The following ANKRD11 variants were observed in gnomAD, a reference collection of about 807,000 sequenced individuals.
ANKRD11 encodes the protein ankyrin repeat domain 11.
In ANKRD11, 17 loss-of-function variants were observed where a neutral mutation model predicts 195.7. The observed-to-expected ratio is 0.09, with a 90% CI of 0.06 to 0.13. The LOEUF (loss-of-function observed/expected upper bound fraction) is 0.13. Ranked by LOEUF, ANKRD11 falls within the 10% of genes least tolerant of loss-of-function variation. The pLI, the probability that ANKRD11 is intolerant of heterozygous loss-of-function variation, is 1.00. For synonymous variants in ANKRD11, 1,953 were observed against 1,528.1 expected (o/e 1.28, Z -6.49); for missense variants, 3,735 against 3,566.1 (o/e 1.05, Z -1.21).
intron 11 of ANKRD11, among the ~76,000 whole-genome samples, chr16:89,273,423 T>C (rs1184000075): frequency 6.6e-6 from 1 of 152,160 alleles, no homozygotes; most frequent in Admixed American, 6.5e-5. Flanking sequence ...ATCTGTCGGC[T>C]GGGTGCGGTG....
chr16:89,297,625 A>G (rs569867646), intron 4 of ANKRD11: 4 of 152,236 alleles, frequency 2.6e-5, no homozygotes, highest in South Asian at 2.1e-4. Flanking sequence ...CACAACTCCA[A>G]ACGAGGGCGC....
At chr16:89,326,469 G>C (rs745447840) in intron 2 of ANKRD11, among the ~76,000 whole-genome samples, 1 of 152,214 alleles carries the variant, frequency 6.6e-6, no homozygotes, top group Non-Finnish European at 1.5e-5. Context: ...ATAGGGCCAG[G>C]CACGGTGGCT....
chr16:89,467,119 C>A (rs2056912607), intron 1 of ANKRD11, among the ~76,000 whole-genome samples: 1 of 152,166 alleles, frequency 6.6e-6, no homozygotes, highest in African/African-American at 2.4e-5. Context: ...CTTTTATTGA[C>A]CAAAGTTGCC....
At chr16:89,416,622 T>C (rs1282864026) in intron 2 of ANKRD11, among the ~76,000 whole-genome samples, 1 of 151,880 alleles carries the variant, frequency 6.6e-6, no homozygotes, top group Non-Finnish European at 1.5e-5. Flanking sequence ...AATAATTTTA[T>C]TTTTCACACT....
In ANKRD11 at chr16:89,284,223, G is replaced by A. The variant is rs1344043663; in HGVS notation, c.2319C>T (p.Pro773=). The change falls in exon 9 of 13, where the codon CCC becomes CCT. Residue 773 remains proline, a synonymous_variant. Coordinates refer to ENST00000301030, the MANE Select transcript of ANKRD11 (RefSeq NM_013275.6). ...EERKKKSKDR[P]SKLEKKNDLK... is the part of the protein sequence containing the mutation. The stretch of plus-strand genomic sequence containing the variant: ...AATCATTCTTCTTCTCTAATTTTGA[G>A]GGCCGGTCTTTTGATTTCTTCTTTC... The A allele has an allele frequency of 9.9e-6, 16 of 1,612,400 alleles. No individual in the cohort carries two copies. The highest frequency in any genetic ancestry group is 1.3e-5 in the African/African-American group (1 of 74,704).
In ANKRD11 at chr16:89,316,914, T is replaced by C; in HGVS notation, c.87+19A>G. 6.2e-7 allele frequency: 1 copy of C among 1,611,440 alleles called. No individual in the cohort carries two copies. The highest frequency in any genetic ancestry group is 8.5e-7 in the Non-Finnish European group (1 of 1,178,974). On this transcript the variant is annotated intron_variant, in intron 3 of 12. Transcript: ENST00000301030. ...TCTGGGTGCGGTGAGCATGCAGGGC[T>C]GGGAGGGGGCAGCATTACCTTTTTC...
intron 3 of ANKRD11, among the ~76,000 whole-genome samples, chr16:89,310,800 C>T (rs568493887): frequency 6.6e-5 from 10 of 152,338 alleles, no homozygotes; most frequent in East Asian, 1.9e-4. Context: ...CACCATGCTA[C>T]GCTCACTGAT....
intron 2 of ANKRD11, among the ~76,000 whole-genome samples, chr16:89,356,547 G>A (rs563015460): frequency 4.0e-5 from 6 of 151,458 alleles, no homozygotes; most frequent in East Asian, 1.9e-4. Context: ...CGAGGCGGGC[G>A]GATCACGAGG....
intron 1 of ANKRD11, among the ~76,000 whole-genome samples, chr16:89,444,389 C>T (rs1181092293): frequency 2.0e-5 from 3 of 151,826 alleles, no homozygotes; most frequent in African/African-American, 7.3e-5. Context: ...CTGGGAAGAG[C>T]AGGTGCGTAC....
intron 3 of ANKRD11, among the ~76,000 whole-genome samples, chr16:89,307,955 G>A (rs1216953025): frequency 6.6e-6 from 1 of 151,756 alleles, no homozygotes; most frequent in African/African-American, 2.4e-5. Context: ...ATGTGAAGAG[G>A]CCACCATCAC....
At chr16:89,353,344 A>G (rs1374660457) in intron 2 of ANKRD11, among the ~76,000 whole-genome samples, 1 of 150,940 alleles carries the variant, frequency 6.6e-6, no homozygotes, top group African/African-American at 2.5e-5. Context: ...TCCAACTCCA[A>G]AAAAAAAGAG....
At chr16:89,406,482 C>T (rs930380654) in intron 2 of ANKRD11, among the ~76,000 whole-genome samples, 11 of 152,160 alleles carry the variant, frequency 7.2e-5, no homozygotes, top group Admixed American at 2.6e-4. Flanking sequence ...CACCGTGCAC[C>T]GTGACAAGAC....
chr16:89,286,458 T>C (rs549908953), intron 7 of ANKRD11: 9 of 578,400 alleles, frequency 1.6e-5, no homozygotes, highest in African/African-American at 1.5e-4. Flanking sequence ...TCTGCCTCCT[T>C]TGGATTTTTT....
chr16:89,324,360 G>C lies in ANKRD11; in HGVS notation c.-59-7282C>G, dbSNP rs552336963. On this transcript the variant is annotated intron_variant, in intron 2 of 12. Transcript: ENST00000301030. ...GGGTGCCTCACAGAAGAGGGAAAAA[G>C]CCAGGAGGGCGGCACGTGGGCGCAA... is the stretch of plus-strand genomic sequence containing the variant. The C allele has an allele frequency of 5.5e-5, 54 of 981,844 alleles. 3 individuals carry two copies. Among genetic ancestry groups the C allele is most frequent in the African/African-American group, 4.7e-4 (28 of 59,726 alleles). The allele number at this position is 981,844 out of a possible 1,614,324, so 60.8% of individuals were successfully genotyped here. A position where few individuals can be genotyped will look rare whatever the true frequency, so the allele number is the denominator to read the frequency against.
At chr16:89,428,249 G>GGT (rs2042804652) in intron 1 of ANKRD11, among the ~76,000 whole-genome samples, 2 of 150,446 alleles carry the variant, frequency 1.3e-5, no homozygotes, top group Middle Eastern at 3.7e-3. Flanking sequence ...TCTTTGGCCG[G>GGT]GCACGGTGGT....
At chr16:89,481,304 G>A (rs928392314) in intron 1 of ANKRD11, among the ~76,000 whole-genome samples, 3 of 152,138 alleles carry the variant, frequency 2.0e-5, no homozygotes. Flanking sequence ...GTGATGTCTT[G>A]TGCCTGTCAT....
At chr16:89,406,015 T>C (rs773509585) in intron 2 of ANKRD11, among the ~76,000 whole-genome samples, 5 of 145,170 alleles carry the variant, frequency 3.4e-5, no homozygotes, top group African/African-American at 5.2e-5. Context: ...GAGGCTGAGG[T>C]GGGAGAATCA....
chr16:89,326,032 C>T (rs2037696763), intron 2 of ANKRD11, among the ~76,000 whole-genome samples: 1 of 152,206 alleles, frequency 6.6e-6, no homozygotes, highest in Admixed American at 6.5e-5. Flanking sequence ...GACAAGGAGA[C>T]ACACAGCTCT....
At chr16:89,367,328 T>TGA (rs2039991353) in intron 2 of ANKRD11, among the ~76,000 whole-genome samples, 1 of 152,228 alleles carries the variant, frequency 6.6e-6, no homozygotes, top group African/African-American at 2.4e-5. Context: ...CCCCTCCTCC[T>TGA]GAGCACAGTG....
Sources: allele counts gnomAD v4.1 joint callset (sites outside exome capture counted in the v4.1 genomes callset), GRCh38; gene constraint gnomAD v4.1.1; transcripts MANE v1.5; gene names NCBI Gene and HGNC (gene_info 2026-07-23, HGNC 2026-07-21).